Variants in BRD7 observed in about 807,000 individuals in gnomAD.
The protein encoded by BRD7 is bromodomain-containing protein 7.
Under a neutral mutation model 82.1 loss-of-function variants are expected in BRD7, and 15 were observed. That is an observed-to-expected ratio of 0.18 (90% CI 0.12 to 0.28). The LOEUF (loss-of-function observed/expected upper bound fraction) is 0.28. Ranked by LOEUF, BRD7 falls within the 10% of genes least tolerant of loss-of-function variation. The probability of loss-of-function intolerance (pLI) is 1.00; values close to 1 mark genes in which losing one functional copy is unlikely to be tolerated. For missense variants in BRD7, 638 were observed against 779.9 expected, an observed-to-expected ratio of 0.82 and a Z score of 2.17; for synonymous variants, 232 against 266.9, an observed-to-expected ratio of 0.87 and a Z score of 1.27.
chr16:50,346,252 TG>T (rs956659590), intron 5 of BRD7, among the ~76,000 whole-genome samples: 19 of 152,176 alleles, frequency 1.2e-4, no homozygotes, highest in African/African-American at 4.1e-4. Context: ...CCAGAATCTC[TG>T]GGACACATTT....
At chr16:50,357,913 G>C (rs1302609968) in intron 2 of BRD7, among the ~76,000 whole-genome samples, 1 of 152,166 alleles carries the variant, frequency 6.6e-6, no homozygotes, top group African/African-American at 2.4e-5. Flanking sequence ...CCCGTAGGTA[G>C]AGGTTGCAGT....
At chr16:50,332,072 G>A (rs1439521570) in intron 8 of BRD7, among the ~76,000 whole-genome samples, 1 of 151,990 alleles carries the variant, frequency 6.6e-6, no homozygotes, top group Non-Finnish European at 1.5e-5. Context: ...TCTGGACATG[G>A]GCCTCGGCAA....
intron 8 of BRD7, among the ~76,000 whole-genome samples, chr16:50,330,587 C>T (rs562020047): frequency 1.3e-5 from 2 of 152,058 alleles, no homozygotes; most frequent in Non-Finnish European, 2.9e-5. Context: ...AATGAAGAAT[C>T]TTATAAATCT....
chr16:50,360,716 A>T (rs2038906155), intron 2 of BRD7, among the ~76,000 whole-genome samples: 2 of 152,226 alleles, frequency 1.3e-5, no homozygotes, highest in Non-Finnish European at 1.5e-5. Context: ...ACTGGAGCCT[A>T]GTACAGTCTG....
Position 50,318,935 on chromosome 16 carries a change from A to T in BRD7, c.*276T>A. On this transcript the variant is annotated 3_prime_UTR_variant, in exon 17 of 17. Transcript: ENST00000394688. ...GTTTTAAGAACGCTTCTTAGTGATG[A>T]TCCTGTCTGTGGGACATAAGGAAGA... 5.8e-6 allele frequency: 2 copies of T among 342,790 alleles called. No individual in the cohort carries two copies. Among genetic ancestry groups the T allele is most frequent in the South Asian group, 7.5e-5 (1 of 13,330 alleles). The allele number at this position is 342,790 out of a possible 1,614,324, so 21.2% of individuals were successfully genotyped here.
chr16:50,319,925 G>A lies in BRD7; in HGVS notation c.1862C>T (p.Ser621Phe), dbSNP rs1288193515. ...CACAAAGTTGTTTTCCATGACGGGG[G>A]AAGGAATGGAAATCCCCATTGCTTT... is the stretch of plus-strand genomic sequence containing the variant. ...VRKAMGISIP[S>F]PVMENNFVDL... Residue 621 changes from serine (S) to phenylalanine (F), a missense_variant, in exon 16 of 17, where the codon TCC becomes TTC. Around this residue, in one of 3 missense-constraint regions of BRD7, gnomAD observed 402 missense variants for 500.8 expected, o/e 0.80. Coordinates refer to ENST00000394688, the MANE Select transcript of BRD7 (RefSeq NM_013263.5). 1 of 1,612,384 alleles carries A rather than the reference G, an allele frequency of 6.2e-7. No individual in the cohort carries two copies. The highest frequency in any genetic ancestry group is 2.2e-5 in the East Asian group (1 of 44,880).
chr16:50,328,246 C>T (rs750744446), intron 9 of BRD7, among the ~76,000 whole-genome samples: 5 of 152,176 alleles, frequency 3.3e-5, no homozygotes, highest in Non-Finnish European at 5.9e-5. Flanking sequence ...AAGCATACAC[C>T]TTCCATTATT....
rs1396934061 is a variant in BRD7 at position 50,340,033 on chromosome 16, G to C, written c.645C>G (p.Thr215=). Residue 215 remains threonine, a synonymous_variant, in exon 6 of 17, where the codon ACC becomes ACG. Transcript: ENST00000394688. ...GCTTCTTTGCAGCTTTATAATAAAT[G>C]GTCTCTGGTTTATTGTAAATCATGG... ...TNAMIYNKPE[T]IYYKAAKKLL... The C allele has an allele frequency of 8.1e-6, 13 of 1,599,376 alleles. No individual in the cohort carries two copies. The highest frequency in any genetic ancestry group is 1.0e-5 in the Non-Finnish European group (12 of 1,173,730).
Position 50,333,621 on chromosome 16 carries a change from C to A in BRD7, c.964G>T (p.Val322Leu). ...GTCAGCTTTCCTCCAGATTCCTTCA[C>A]GATGCGGTCAAGCTGCTCCTGCTCT... ...EREQEQLDRI[V>L]KESGGKLTRR... is the part of the protein sequence containing the mutation. Residue 322 changes from valine (V) to leucine (L), a missense_variant, in exon 8 of 17, where the codon GTG becomes TTG. By Grantham distance (32) the Val-to-Leu change is conservative. This residue lies in a region of BRD7 where 402 missense variants were observed against 500.8 expected (regional missense o/e 0.80). Transcript: ENST00000394688. 6.2e-7 allele frequency: 1 copy of A among 1,611,850 alleles called. No individual in the cohort carries two copies. The highest frequency in any genetic ancestry group is 8.5e-7 in the Non-Finnish European group (1 of 1,179,776).
chr16:50,350,949 C>G (rs2038495439), intron 4 of BRD7, among the ~76,000 whole-genome samples: 3 of 152,152 alleles, frequency 2.0e-5, no homozygotes, highest in Admixed American at 2.0e-4. Flanking sequence ...TGAGTATTGG[C>G]ATTGGGATTT....
At position 50,348,237 on chromosome 16, in the gene BRD7, T is replaced by A. The variant is rs545108954; in HGVS notation, c.591+1786A>T. ...AGAAAGCTGAAACTGGATCCCTTCCTTACACCTTATACAAAAATTAATTCA... is the reference window on the plus strand; with the variant it reads ...AGAAAGCTGAAACTGGATCCCTTCCATACACCTTATACAAAAATTAATTCA... On this transcript the variant is annotated intron_variant, in intron 5 of 16. Coordinates refer to ENST00000394688, the MANE Select transcript of BRD7 (RefSeq NM_013263.5). 1.4e-4 allele frequency among the ~76,000 whole-genome samples: 21 copies of A among 152,318 alleles called. No homozygotes were observed. The South Asian group carries it at 4.3e-3, about 32-fold the overall frequency.
chr16:50,361,347 A>C (rs2038927325), intron 2 of BRD7, among the ~76,000 whole-genome samples: 1 of 152,206 alleles, frequency 6.6e-6, no homozygotes, highest in Non-Finnish European at 1.5e-5. Context: ...CTTTTGAGTA[A>C]AAAAATTTTT....
chr16:50,316,381 G>A lies in BRD7; in HGVS notation c.*2830C>T, dbSNP rs561788535. ...GAGAGGTGCTTTGAAAGTAAGGTGCGGCCTTTCACCTCTTCCTTGATTACT... is the reference window on the plus strand; with the variant it reads ...GAGAGGTGCTTTGAAAGTAAGGTGCAGCCTTTCACCTCTTCCTTGATTACT... On this transcript the variant is annotated 3_prime_UTR_variant, in exon 17 of 17. Transcript: ENST00000394688. The A allele has an allele frequency of 6.6e-6, 1 of 152,408 alleles. No individual in the cohort carries two copies. The highest frequency in any genetic ancestry group is 2.1e-4 in the South Asian group (1 of 4,822). 9.4% of individuals were successfully genotyped at this position (152,408 alleles called of 1,614,324 possible). A position where few individuals can be genotyped will look rare whatever the true frequency, so the allele number is the denominator to read the frequency against.
intron 2 of BRD7, among the ~76,000 whole-genome samples, chr16:50,355,661 C>G (rs1046720344): frequency 6.6e-6 from 1 of 152,182 alleles, no homozygotes; most frequent in Non-Finnish European, 1.5e-5. Context: ...AATTTGAGCT[C>G]TACTTCATGC....
At chr16:50,328,831 G>C (rs1352576363) in intron 8 of BRD7, 87 bp from the exon 9 acceptor site, 1 of 1,243,804 alleles carries the variant, frequency 8.0e-7, no homozygotes, top group Non-Finnish European at 1.2e-6. Context: ...TGATACCAGA[G>C]TGTTGTGGAT....
chr16:50,341,522 A>G (rs186518697), intron 5 of BRD7, among the ~76,000 whole-genome samples: 1 of 151,648 alleles, frequency 6.6e-6, no homozygotes, highest in African/African-American at 2.4e-5. Flanking sequence ...ACACCCCTGT[A>G]GTCCCAGCTA....
chr16:50,345,995 C>A (rs1234185906), intron 5 of BRD7, among the ~76,000 whole-genome samples: 2 of 152,314 alleles, frequency 1.3e-5, no homozygotes, highest in East Asian at 3.9e-4. Context: ...TGCACTTATT[C>A]CAAAATTGAC....
At chr16:50,350,450 TAAAC>T (rs887902314) in intron 4 of BRD7, among the ~76,000 whole-genome samples, 3 of 152,088 alleles carry the variant, frequency 2.0e-5, no homozygotes, top group Non-Finnish European at 4.4e-5. Flanking sequence ...TGAAGCAAAA[TAAAC>T]AACCTCAACT....
chr16:50,329,047 T>A (rs912925364), intron 8 of BRD7, among the ~76,000 whole-genome samples: 1 of 152,168 alleles, frequency 6.6e-6, no homozygotes, highest in African/African-American at 2.4e-5. Flanking sequence ...TCAAAAAATT[T>A]CAGATTTTGG....
Sources: allele counts gnomAD v4.1 joint callset (sites outside exome capture counted in the v4.1 genomes callset), GRCh38; gene constraint gnomAD v4.1.1; regional missense constraint gnomAD v4.1.1; transcripts MANE v1.5; gene names NCBI Gene and HGNC (gene_info 2026-07-23, HGNC 2026-07-21).